The following DNAH6 variants were observed in gnomAD, a reference collection of about 807,000 sequenced individuals.
The protein encoded by DNAH6 is dynein axonemal heavy chain 6.
Under a neutral mutation model 491.4 loss-of-function variants are expected in DNAH6, and 340 were observed. The ratio of observed to expected loss-of-function variants is 0.69; its 90% CI spans 0.63 to 0.76. The LOEUF is 0.76. Ranked by LOEUF, DNAH6 falls within the 30% of genes least tolerant of loss-of-function variation. The probability of loss-of-function intolerance (pLI) is 0.00; values close to 1 mark genes in which losing one functional copy is unlikely to be tolerated. For missense variants in DNAH6, 4,443 were observed against 4,972.2 expected (o/e 0.89, Z 3.20); for synonymous variants, 1,603 against 1,686.1 (o/e 0.95, Z 1.21).
rs1388750584 is a variant in DNAH6 at position 84,605,482 on chromosome 2, G to T, written c.3082-18G>T. On this transcript the variant is annotated intron_variant, in intron 19 of 76. Coordinates refer to ENST00000389394, the MANE Select transcript of DNAH6 (RefSeq NM_001370.2). ...ACACACTGAATTTAGATATCCTAAG[G>T]CTTGAATTATTTCTAAGGTGGAGGA... The T allele has an allele frequency of 2.6e-6, 4 of 1,525,042 alleles. No individual in the cohort carries two copies. Among genetic ancestry groups the T allele is most frequent in the Non-Finnish European group, 3.6e-6 (4 of 1,123,130 alleles). The allele number at this position is 1,525,042 out of a possible 1,614,324, so 94.5% of individuals were successfully genotyped here.
Position 84,701,300 on chromosome 2 carries a change from C to T in DNAH6, c.8022C>T (p.Tyr2674=), listed in dbSNP as rs1230731954. ...CCTACCTGGAGCTTATCAATCTTTA[C>T]CTGTCTATGCTGTCTGAAAAAAGGA... is the stretch of plus-strand genomic sequence containing the variant. The part of the protein sequence containing the change: ...PTSYLELINL[Y]LSMLSEKRKQ... Residue 2674 remains tyrosine (Y), a synonymous_variant, in exon 49 of 77, where the codon TAC becomes TAT. Transcript: ENST00000389394. 4 of 1,551,658 alleles carry T rather than the reference C, an allele frequency of 2.6e-6. No homozygotes were observed. In the East Asian group the frequency reaches 9.8e-5, roughly 38 times the overall value.
chr2:84,723,342 A>AT (rs1235328554), intron 60 of DNAH6, among the ~76,000 whole-genome samples: 1 of 151,976 alleles, frequency 6.6e-6, no homozygotes, highest in Non-Finnish European at 1.5e-5. Context: ...TAAAATTTGA[A>AT]TTTTTTTTAA....
At chr2:84,489,243 C>T in the DNAH6 span, among the ~76,000 whole-genome samples, 1 of 152,156 alleles carries the variant, frequency 6.6e-6, no homozygotes, top group Non-Finnish European at 1.5e-5. Context: ...ACCTGGGGCA[C>T]ATTGTAATTC....
rs1387457283 is a variant in DNAH6 at position 84,703,523 on chromosome 2, G to A, written c.8190G>A (p.Leu2730=). Residue 2730 remains leucine, a synonymous_variant, in exon 50 of 77, where the codon CTG becomes CTA. Coordinates refer to ENST00000389394, the MANE Select transcript of DNAH6 (RefSeq NM_001370.2). ...CAAAATCAGAAGATGTTGAAGCCCT[G>A]ATGGAAAAATTGGCAGTGGATCAAG... is the stretch of plus-strand genomic sequence containing the variant. ...LLAKSEDVEA[L]MEKLAVDQES... The A allele has an allele frequency of 5.8e-6, 9 of 1,551,168 alleles. No homozygotes were observed. The highest frequency in any genetic ancestry group is 7.8e-6 in the Non-Finnish European group (9 of 1,146,752).
chr2:84,690,099 G>A (rs1694698605), intron 45 of DNAH6, among the ~76,000 whole-genome samples: 1 of 152,168 alleles, frequency 6.6e-6, no homozygotes, highest in Admixed American at 6.6e-5. Flanking sequence ...AATAAATACA[G>A]TAAAATACAG....
At position 84,583,990 on chromosome 2, in the gene DNAH6, T is replaced by C; in HGVS notation, c.2230-9T>C. The C allele has an allele frequency of 1.9e-6, 3 of 1,611,592 alleles. No individual in the cohort carries two copies. Among genetic ancestry groups the C allele is most frequent in the Non-Finnish European group, 2.5e-6 (3 of 1,178,580 alleles). On this transcript the variant is annotated splice_polypyrimidine_tract_variant and intron_variant, in intron 14 of 76. Transcript: ENST00000389394. Reference sequence around the variant, plus strand: ...CTACATTTAATGAGCAAACTATGTTTCCATTTAGATTGAAAGCCTTGAAGA... The same window carrying C: ...CTACATTTAATGAGCAAACTATGTTCCCATTTAGATTGAAAGCCTTGAAGA...
intron 10 of DNAH6, among the ~76,000 whole-genome samples, chr2:84,553,328 C>CTCTG (rs1553420366): frequency 0.93 from 138,229 of 149,330 alleles, 64,262 homozygotes; most frequent in East Asian, 1. Flanking sequence ...GAAGAGATCA[C>CTCTG]TTGTGAATAC....
the DNAH6 span, among the ~76,000 whole-genome samples, chr2:84,498,399 G>A: frequency 1.4e-3 from 206 of 152,194 alleles, 2 homozygotes; most frequent in South Asian, 0.018. Flanking sequence ...GCTTCTTGGT[G>A]TGCATAAAGC....
intron 30 of DNAH6, among the ~76,000 whole-genome samples, chr2:84,635,710 G>C (rs966781580): frequency 1.3e-5 from 2 of 152,144 alleles, no homozygotes; most frequent in Non-Finnish European, 2.9e-5. Context: ...TCCTGAAGCT[G>C]CCAGTGCCCT....
At position 84,727,832 on chromosome 2, in the gene DNAH6, T is replaced by C; in HGVS notation, c.10136T>C (p.Met3379Thr). 6.4e-7 allele frequency: 1 copy of C among 1,552,184 alleles called. No individual in the cohort carries two copies. The highest frequency in any genetic ancestry group is 1.4e-5 in the African/African-American group (1 of 73,186). Residue 3379 changes from methionine (M) to threonine (T), a missense_variant, in exon 61 of 77, where the codon ATG becomes ACG. By Grantham distance (81) the Met-to-Thr change is moderately conservative. This residue lies in a region of DNAH6 where 1,463 missense variants were observed against 1,656.6 expected (regional missense o/e 0.88). Transcript: ENST00000389394. ...AGCTTTATGCTTTGTGTTGAGATGA[T>C]GCGTCAGCAAGGAACCCTATCTGAT... The part of the protein sequence containing the change: ...IYSFMLCVEM[M>T]RQQGTLSDAE...
intron 76 of DNAH6, among the ~76,000 whole-genome samples, chr2:84,817,934 C>G (rs72926811): frequency 0.021 from 3,214 of 152,244 alleles, 89 homozygotes; most frequent in African/African-American, 0.069. Context: ...GGGATCTGAC[C>G]CCCATCAGCC....
At chr2:84,720,107 G>A (rs1024470957) in intron 59 of DNAH6, among the ~76,000 whole-genome samples, 3 of 151,898 alleles carry the variant, frequency 2.0e-5, no homozygotes, top group Non-Finnish European at 4.4e-5. Context: ...CCTTCCATCA[G>A]AAAACCCTCT....
chr2:84,588,695 A>T, intron 15 of DNAH6, 131 bp from the exon 16 acceptor site: 1 of 901,060 alleles, frequency 1.1e-6, no homozygotes, highest in Non-Finnish European at 1.6e-6. Context: ...CAATAATTTT[A>T]AACATCATTT....
chr2:84,487,913 G>A, the DNAH6 span, among the ~76,000 whole-genome samples: 31 of 152,080 alleles, frequency 2.0e-4, no homozygotes, highest in Non-Finnish European at 4.3e-4. Context: ...CATTCCTGGG[G>A]ACAAACAACC....
In DNAH6 at chr2:84,727,696, G is replaced by A; in HGVS notation, c.10000G>A (p.Val3334Ile). Residue 3334 changes from valine to isoleucine, a missense_variant, in exon 61 of 77, where the codon GTA becomes ATA. Physicochemically the swap from Val to Ile is conservative, Grantham distance 29. Coordinates refer to ENST00000389394, the MANE Select transcript of DNAH6 (RefSeq NM_001370.2). ...QLFNTTIETS[V>I]KTENLQQRLD... ...GTTCAATACCACCATTGAAACTTCT[G>A]TAAAGACAGAAAATCTACAACAGCG... The A allele has an allele frequency of 6.4e-7, 1 of 1,550,826 alleles. No individual in the cohort carries two copies. The highest frequency in any genetic ancestry group is 8.7e-7 in the Non-Finnish European group (1 of 1,146,188).
At chr2:84,555,466 T>A (rs1679923742) in intron 10 of DNAH6, among the ~76,000 whole-genome samples, 1 of 152,220 alleles carries the variant, frequency 6.6e-6, no homozygotes, top group South Asian at 2.1e-4. Context: ...GATCCTTGAT[T>A]CTTGCTATCC....
chr2:84,653,374 ATTT>A lies in DNAH6; in HGVS notation c.5136_5138del (p.Leu1713del). 1 of 1,550,308 alleles carries A rather than the reference ATTT, an allele frequency of 6.5e-7. No homozygotes were observed. Among genetic ancestry groups the A allele is most frequent in the Non-Finnish European group, 8.7e-7 (1 of 1,146,138 alleles). On this transcript the variant is annotated inframe_deletion, in exon 34 of 77. Coordinates refer to ENST00000389394, the MANE Select transcript of DNAH6 (RefSeq NM_001370.2). ...CCAAATTCCAGAACATGATTATGGTATTTTACAATCAACAATTGTGGATGTCAT... is the reference window on the plus strand; with the variant it reads ...CCAAATTCCAGAACATGATTATGGTATACAATCAACAATTGTGGATGTCAT...
At chr2:84,805,526 T>TCCG in intron 70 of DNAH6, 139 bp from the exon 71 acceptor site, 3 of 754,570 alleles carry the variant, frequency 4.0e-6, no homozygotes, top group East Asian at 6.0e-5. Context: ...TTAATTGTTC[T>TCCG]TACCACAATA....
Position 84,787,170 on chromosome 2 carries a change from A to G in DNAH6, c.11107A>G (p.Lys3703Glu), listed in dbSNP as rs1043599837. The change falls in exon 68 of 77, where the codon AAG (lysine) becomes GAG (glutamate). Residue 3703 changes from lysine to glutamate, a missense_variant. Lys to Glu is a moderately conservative substitution (Grantham distance 56, BLOSUM62 1). Coordinates refer to ENST00000389394, the MANE Select transcript of DNAH6 (RefSeq NM_001370.2). ...TTTTCATTTTTCATTTTAGGAGAGA[A>G]AGAAGTTTGGCCCCCTTGGTTGGAA... is the stretch of plus-strand genomic sequence containing the variant. Reference protein sequence around the residue: ...CFFHAIIQERKKFGPLGWNIC... With the variant: ...CFFHAIIQEREKFGPLGWNIC... 4.1e-5 allele frequency: 62 copies of G among 1,505,320 alleles called. No homozygotes were observed. Among genetic ancestry groups the G allele is most frequent in the Non-Finnish European group, 5.1e-5 (58 of 1,126,354 alleles). 93.2% of individuals were successfully genotyped at this position (1,505,320 alleles called of 1,614,324 possible).
Sources: gnomAD v4.1 joint callset for allele counts (sites outside exome capture counted in the v4.1 genomes callset) on GRCh38, gnomAD v4.1.1 for gene constraint, gnomAD v4.1.1 regional missense constraint, MANE v1.5 for transcripts, NCBI Gene and HGNC (gene_info 2026-07-23, HGNC 2026-07-21) for gene names.